Variants in FGF2 observed in about 807,000 individuals in gnomAD.
The protein encoded by FGF2 is fibroblast growth factor 2.
A neutral mutation model predicts 15.9 loss-of-function variants in FGF2; 13 were observed. That is an observed-to-expected ratio of 0.82 (90% confidence interval 0.53 to 1.30). The LOEUF (loss-of-function observed/expected upper bound fraction) is 1.30. FGF2 is among the 50% of genes most tolerant of loss of function. The pLI is 0.00. For synonymous variants in FGF2, 90 were observed against 78.4 expected, an observed-to-expected ratio of 1.15 and a Z score of -0.78; for missense variants, 163 against 196.9, an observed-to-expected ratio of 0.83 and a Z score of 1.03.
chr4:122,866,502 A>G (rs79871715), intron 1 of FGF2, among the ~76,000 whole-genome samples: 2,398 of 152,364 alleles, frequency 0.016, 26 homozygotes, highest in East Asian at 0.056. Context: ...TAATAAAAAG[A>G]CAATCTAAAA....
At chr4:122,832,527 G>A (rs1465473540) in intron 1 of FGF2, among the ~76,000 whole-genome samples, 5 of 152,146 alleles carry the variant, frequency 3.3e-5, no homozygotes, top group African/African-American at 1.2e-4. Context: ...GATTACAGGC[G>A]TGAGCCACCG....
At chr4:122,891,347 T>C (rs1727182936) in intron 2 of FGF2, among the ~76,000 whole-genome samples, 1 of 151,980 alleles carries the variant, frequency 6.6e-6, no homozygotes, top group African/African-American at 2.4e-5. Context: ...GCCGAACATT[T>C]ATCTTAAATA....
rs1421030781 is a variant in FGF2 at position 122,896,262 on chromosome 4, C to G, written c.*3866C>G. On this transcript the variant is annotated 3_prime_UTR_variant, in exon 3 of 3. Coordinates refer to ENST00000644866, the MANE Select transcript of FGF2 (RefSeq NM_001361665.2). ...GAAGGATTCTGGAGTATACTTAGGC[C>G]TGAAATTATATATATTTGGCTTGGA... 1 of 151,966 alleles carries G rather than the reference C, an allele frequency of 6.6e-6. No homozygotes were observed. Among genetic ancestry groups the G allele is most frequent in the African/African-American group, 2.4e-5 (1 of 41,170 alleles). The allele number at this position is 151,966 out of a possible 1,614,324, so 9.4% of individuals were successfully genotyped here.
In FGF2 at chr4:122,897,515, G is replaced by C. The variant is rs771186721; in HGVS notation, c.*5119G>C. On this transcript the variant is annotated 3_prime_UTR_variant, in exon 3 of 3. Transcript: ENST00000644866. ...ATTTCTGAAATGTTCAGACTCAGTCGGAACAAATTGGAAAATTTAAATTTT... is the reference window on the plus strand; with the variant it reads ...ATTTCTGAAATGTTCAGACTCAGTCCGAACAAATTGGAAAATTTAAATTTT... 1.2e-5 allele frequency: 9 copies of C among 779,972 alleles called. No individual in the cohort carries two copies. The Admixed American group carries it at 1.9e-4, about 17-fold the overall frequency. The allele number at this position is 779,972 out of a possible 1,614,324, so 48.3% of individuals were successfully genotyped here.
intron 2 of FGF2, among the ~76,000 whole-genome samples, chr4:122,880,414 T>C (rs543342064): frequency 6.6e-6 from 1 of 152,102 alleles, no homozygotes; most frequent in Admixed American, 6.5e-5. Flanking sequence ...GCCCGGCTAA[T>C]TTTTTGCATT....
At chr4:122,842,989 GT>G (rs1726024187) in intron 1 of FGF2, among the ~76,000 whole-genome samples, 1 of 152,086 alleles carries the variant, frequency 6.6e-6, no homozygotes, top group Non-Finnish European at 1.5e-5. Flanking sequence ...TAACCACAAA[GT>G]ACCACTATAT....
chr4:122,827,024 G>GCGCGGC lies in FGF2; in HGVS notation c.-146_-141dup. The GCGCGGC allele has an allele frequency of 8.4e-7, 1 of 1,186,538 alleles. No homozygotes were observed. Among genetic ancestry groups the GCGCGGC allele is most frequent in the Non-Finnish European group, 1.0e-6 (1 of 959,500 alleles). The allele number at this position is 1,186,538 out of a possible 1,614,324, so 73.5% of individuals were successfully genotyped here. ...GCGGCTCGAGGCTGGGGGACCGCGGGCGCGGCCGCGCGCTGCCGGGCGGGA... is the reference window on the plus strand; with the variant it reads ...GCGGCTCGAGGCTGGGGGACCGCGGGCGCGGCCGCGGCCGCGCGCTGCCGGGCGGGA... On this transcript the variant is annotated 5_prime_UTR_variant, in exon 1 of 3. Transcript: ENST00000644866. The surrounding 1 kb of genome is among the most constrained non-coding windows in gnomAD (Gnocchi z 4.2).
intron 1 of FGF2, among the ~76,000 whole-genome samples, chr4:122,857,298 C>T (rs1726361893): frequency 6.6e-6 from 1 of 152,190 alleles, no homozygotes; most frequent in Admixed American, 6.5e-5. Context: ...GGTGTCCTCT[C>T]TACCTGTCAA....
At chr4:122,839,191 T>C (rs555535551) in intron 1 of FGF2, among the ~76,000 whole-genome samples, 4 of 152,200 alleles carry the variant, frequency 2.6e-5, no homozygotes, top group Non-Finnish European at 4.4e-5. Context: ...AACACAGTGG[T>C]ATTTGTGTAT....
At chr4:122,851,256 A>C (rs977016813) in intron 1 of FGF2, among the ~76,000 whole-genome samples, 1 of 152,290 alleles carries the variant, frequency 6.6e-6, no homozygotes, top group South Asian at 2.1e-4. Flanking sequence ...TTAAGGCAAA[A>C]CAATTTACCA....
In FGF2 at chr4:122,894,443, C is replaced by G. The variant is rs1231908426; in HGVS notation, c.*2047C>G. On this transcript the variant is annotated 3_prime_UTR_variant, in exon 3 of 3. Transcript: ENST00000644866. ...CAAAAAAACACAAAAAATAGCCAGG[C>G]ATGGTGGCGTGTACATGTGGTCTCA... 1 of 152,118 alleles carries G rather than the reference C, an allele frequency of 6.6e-6. No individual in the cohort carries two copies. Among genetic ancestry groups the G allele is most frequent in the Non-Finnish European group, 1.5e-5 (1 of 68,072 alleles). The allele number at this position is 152,118 out of a possible 1,614,324, so 9.4% of individuals were successfully genotyped here. A position where few individuals can be genotyped will look rare whatever the true frequency, so the allele number is the denominator to read the frequency against.
intron 2 of FGF2, 89 bp downstream of exon 2, chr4:122,876,513 G>A: frequency 1.2e-6 from 1 of 845,430 alleles, no homozygotes; most frequent in Admixed American, 1.9e-5. Context: ...TCTTTATAAA[G>A]GATTTTACGT....
intron 1 of FGF2, among the ~76,000 whole-genome samples, chr4:122,862,748 T>C (rs1337323520): frequency 6.6e-6 from 1 of 152,232 alleles, no homozygotes; most frequent in African/African-American, 2.4e-5. Context: ...TGCTTCAATT[T>C]TGTAGTTTAG....
intron 1 of FGF2, among the ~76,000 whole-genome samples, chr4:122,850,112 A>G (rs1344157526): frequency 1.3e-5 from 2 of 152,096 alleles, no homozygotes; most frequent in East Asian, 3.9e-4. Context: ...AAATACAAAA[A>G]TTAGCTGGAT....
chr4:122,837,523 G>C (rs1725891269), intron 1 of FGF2, among the ~76,000 whole-genome samples: 3 of 152,018 alleles, frequency 2.0e-5, no homozygotes, highest in African/African-American at 7.2e-5. Flanking sequence ...ATGTCTTCAT[G>C]TATTCTTACT....
At chr4:122,836,567 C>T (rs1194196544) in intron 1 of FGF2, among the ~76,000 whole-genome samples, 1 of 152,202 alleles carries the variant, frequency 6.6e-6, no homozygotes, top group Non-Finnish European at 1.5e-5. Context: ...ATCCAGACCA[C>T]ATTACCCAGT....
intron 1 of FGF2, among the ~76,000 whole-genome samples, chr4:122,843,844 A>T (rs1330006986): frequency 6.6e-6 from 1 of 152,220 alleles, no homozygotes; most frequent in Non-Finnish European, 1.5e-5. Context: ...CTGTATTTTT[A>T]AAAAATGCTA....
Position 122,827,374 on chromosome 4 carries a change from C to T in FGF2, c.178+22C>T. 4.3e-6 allele frequency: 7 copies of T among 1,612,268 alleles called. No individual in the cohort carries two copies. The highest frequency in any genetic ancestry group is 5.9e-6 in the Non-Finnish European group (7 of 1,179,570). On this transcript the variant is annotated intron_variant, in intron 1 of 2. Transcript: ENST00000644866. This position sits in a 1 kb window ranked among gnomAD's most constrained non-coding sequence, Gnocchi z 4.2. ...CACAGTGAGTGCCGACCCGCTCTCT[C>T]CGCCTCATTTCCATTTCGTGGGTTC...
chr4:122,828,616 C>T (rs1266301750), intron 1 of FGF2, among the ~76,000 whole-genome samples: 1 of 152,126 alleles, frequency 6.6e-6, no homozygotes, highest in Non-Finnish European at 1.5e-5. Context: ...AATTCTACAA[C>T]CAAACGTGAA....
Sources: allele counts gnomAD v4.1 joint callset (sites outside exome capture counted in the v4.1 genomes callset), GRCh38; gene constraint gnomAD v4.1.1; non-coding constraint Gnocchi (gnomAD v3.1); transcripts MANE v1.5; gene names NCBI Gene and HGNC (gene_info 2026-07-23, HGNC 2026-07-21).